Variants in ASB13 observed in about 807,000 individuals in gnomAD.
The protein encoded by ASB13 is ankyrin repeat and SOCS box containing 13.
In ASB13, 33 loss-of-function variants were observed where a neutral mutation model predicts 28.8. The observed-to-expected ratio is 1.15, with a 90% CI of 0.87 to 1.53. The LOEUF (loss-of-function observed/expected upper bound fraction) is 1.53. Ranked by LOEUF, ASB13 falls within the 40% of genes most tolerant of loss-of-function variation. ASB13 has a pLI of 0.00. For missense variants in ASB13, 414 were observed against 390.1 expected (o/e 1.06, Z -0.52); for synonymous variants, 182 against 172.9 (o/e 1.05, Z -0.41).
At position 5,649,532 on chromosome 10, in the gene ASB13, CTT is replaced by C. The variant is rs748320784; in HGVS notation, c.383-430_383-429del. On this transcript the variant is annotated intron_variant, in intron 3 of 5. Transcript: ENST00000357700. The surrounding 1 kb of genome is among the most constrained non-coding windows in gnomAD (Gnocchi z 6.4). ...ACCACGGCAGCCGCCTCTCCTGCCT[CTT>C]TTTTTTTTTTAGACAAAGTCTCATT... Among the ~76,000 whole-genome samples, 4 of 144,088 alleles carry C rather than the reference CTT, an allele frequency of 2.8e-5. No homozygotes were observed. Among genetic ancestry groups the C allele is most frequent in the Non-Finnish European group, 4.6e-5 (3 of 65,356 alleles). The allele number at this position is 144,088 out of a possible 152,430, so 94.5% of individuals were successfully genotyped here.
rs80282048 is a variant in ASB13, at chr10:5,649,469, A to T, written c.383-365T>A. Among the ~76,000 whole-genome samples, 1 of 145,484 alleles carries T rather than the reference A, an allele frequency of 6.9e-6. No homozygotes were observed. Among genetic ancestry groups the T allele is most frequent in the African/African-American group, 2.5e-5 (1 of 40,110 alleles). On this transcript the variant is annotated intron_variant, in intron 3 of 5. Transcript: ENST00000357700. This position sits in a 1 kb window ranked among gnomAD's most constrained non-coding sequence, Gnocchi z 6.4. Reference sequence around the variant, plus strand: ...AGCACTGAGCCCAGCCTCCCAGGAAACCCCCCAGACTTTCTTATGCAGGTC... The same window carrying T: ...AGCACTGAGCCCAGCCTCCCAGGAATCCCCCCAGACTTTCTTATGCAGGTC...
At position 5,659,646 on chromosome 10, in the gene ASB13, G is replaced by A. The variant is rs780597957; in HGVS notation, c.44-6596C>T. Reference sequence around the variant, plus strand: ...CCCCTGCTCCTTCAGGAAGCCTCCCGAGCATGCAGCCCACCCCCCCACGCC... The same window carrying A: ...CCCCTGCTCCTTCAGGAAGCCTCCCAAGCATGCAGCCCACCCCCCCACGCC... On this transcript the variant is annotated intron_variant, in intron 1 of 5. Coordinates refer to ENST00000357700, the MANE Select transcript of ASB13 (RefSeq NM_024701.4). This position sits in a 1 kb window ranked among gnomAD's most constrained non-coding sequence, Gnocchi z 5.8. 1.2e-4 allele frequency among the ~76,000 whole-genome samples: 18 copies of A among 148,510 alleles called. No individual in the cohort carries two copies. Among genetic ancestry groups the A allele is most frequent in the Non-Finnish European group, 2.3e-4 (15 of 65,902 alleles).
Position 5,660,583 on chromosome 10 carries a change from C to CA in ASB13, c.43+5925dup, listed in dbSNP as rs1032552509. On this transcript the variant is annotated intron_variant, in intron 1 of 5. Transcript: ENST00000357700. The surrounding 1 kb of genome is among the most constrained non-coding windows in gnomAD (Gnocchi z 6.1). ...TCCAAACCTCGGCCTCCTCTCTCCTCAAATGGGTGCTGTGAAGACTGAAGA... is the reference window on the plus strand; with the variant it reads ...TCCAAACCTCGGCCTCCTCTCTCCTCAAAATGGGTGCTGTGAAGACTGAAGA... 6.6e-6 allele frequency among the ~76,000 whole-genome samples: 1 copy of CA among 152,204 alleles called. No homozygotes were observed. The highest frequency in any genetic ancestry group is 1.5e-5 in the Non-Finnish European group (1 of 68,028).
At position 5,641,947 on chromosome 10, in the gene ASB13, C is replaced by T; in HGVS notation, c.532G>A (p.Ala178Thr). The T allele has an allele frequency of 1.2e-6, 2 of 1,604,230 alleles. No homozygotes were observed. The highest frequency in any genetic ancestry group is 1.7e-6 in the Non-Finnish European group (2 of 1,171,578). ...VLLNAGANVN[A>T]AKLHETALHH... is the part of the protein sequence containing the mutation. Reference sequence around the variant, plus strand: ...AGGGCAGTCTCATGAAGCTTTGCCGCATTCACGTTGGCCCCTGGAGGTCAA... The same window carrying T: ...AGGGCAGTCTCATGAAGCTTTGCCGTATTCACGTTGGCCCCTGGAGGTCAA... Residue 178 changes from alanine (A) to threonine (T), a missense_variant, in exon 5 of 6, where the codon GCG (alanine) becomes ACG (threonine). By Grantham distance (58) the Ala-to-Thr change is moderately conservative (BLOSUM62 0). Transcript: ENST00000357700. This position sits in a 1 kb window ranked among gnomAD's most constrained non-coding sequence, Gnocchi z 8.4.
In ASB13 at chr10:5,645,452, G is replaced by A. The variant is rs918580799; in HGVS notation, c.518-3491C>T. On this transcript the variant is annotated intron_variant, in intron 4 of 5. Transcript: ENST00000357700. The surrounding 1 kb of genome is among the most constrained non-coding windows in gnomAD (Gnocchi z 5.4). ...TAAAAATTACTTCACCATCATAACC[G>A]GACTTTCACCCTCCCCAGCCCTCCT... is the stretch of plus-strand genomic sequence containing the variant. Among the ~76,000 whole-genome samples the A allele has an allele frequency of 1.3e-5, 2 of 152,012 alleles. No individual in the cohort carries two copies. Among genetic ancestry groups the A allele is most frequent in the African/African-American group, 4.8e-5 (2 of 41,368 alleles).
intron 1 of ASB13, among the ~76,000 whole-genome samples, chr10:5,662,557 A>G (rs1038760424): frequency 4.9e-4 from 27 of 55,132 alleles, no homozygotes; most frequent in African/African-American, 1.3e-3. Context: ...AGGGGAGGGG[A>G]GGGGAGGGGA....
chr10:5,646,446 A>G (rs1269023465), intron 4 of ASB13, among the ~76,000 whole-genome samples: 1 of 152,372 alleles, frequency 6.6e-6, no homozygotes, highest in East Asian at 1.9e-4. Context: ...GGCTTAAAAC[A>G]GGAAACGTCT....
rs1564216807 is a variant in ASB13 at position 5,648,344 on chromosome 10, TGGG to T, written c.517+623_517+625del. Among the ~76,000 whole-genome samples, 365 of 49,144 alleles carry T rather than the reference TGGG, an allele frequency of 7.4e-3. 2 individuals carry two copies. Among genetic ancestry groups the T allele is most frequent in the South Asian group, 0.03 (40 of 1,326 alleles). 32.2% of individuals were successfully genotyped at this position (49,144 alleles called of 152,430 possible). On this transcript the variant is annotated intron_variant, in intron 4 of 5. Transcript: ENST00000357700. ...ACACCCCCTCGGGTAAACACCCACGTGGGCAACACCCACGGGGGTAAACACCCA... is the reference window on the plus strand; with the variant it reads ...ACACCCCCTCGGGTAAACACCCACGTCAACACCCACGGGGGTAAACACCCA...
chr10:5,652,244 G>GTAAA lies in ASB13; in HGVS notation c.231+615_231+618dup, dbSNP rs1835000536. Among the ~76,000 whole-genome samples, 1 of 152,150 alleles carries GTAAA rather than the reference G, an allele frequency of 6.6e-6. No homozygotes were observed. The highest frequency in any genetic ancestry group is 2.1e-4 in the South Asian group (1 of 4,830). On this transcript the variant is annotated intron_variant, in intron 2 of 5. Coordinates refer to ENST00000357700, the MANE Select transcript of ASB13 (RefSeq NM_024701.4). This position sits in a 1 kb window ranked among gnomAD's most constrained non-coding sequence, Gnocchi z 5.0. Reference sequence around the variant, plus strand: ...GTTCCATTCCAACCTTTTGGGAAGAGTAAACAGTACACTGTCTTCCCTTCT... The same window carrying GTAAA: ...GTTCCATTCCAACCTTTTGGGAAGAGTAAATAAACAGTACACTGTCTTCCCTTCT...
At position 5,644,884 on chromosome 10, in the gene ASB13, G is replaced by A. The variant is rs1834860699; in HGVS notation, c.518-2923C>T. Reference sequence around the variant, plus strand: ...GAAGGAAGAGAGAAAGAGGGTAGGAGAGGGAAAGAAAGTAACTTTGTGTGA... The same window carrying A: ...GAAGGAAGAGAGAAAGAGGGTAGGAAAGGGAAAGAAAGTAACTTTGTGTGA... On this transcript the variant is annotated intron_variant, in intron 4 of 5. Coordinates refer to ENST00000357700, the MANE Select transcript of ASB13 (RefSeq NM_024701.4). The surrounding 1 kb of genome is among the most constrained non-coding windows in gnomAD (Gnocchi z 5.1). Among the ~76,000 whole-genome samples the A allele has an allele frequency of 6.6e-6, 1 of 152,086 alleles. No individual in the cohort carries two copies. Among genetic ancestry groups the A allele is most frequent in the Non-Finnish European group, 1.5e-5 (1 of 68,026 alleles).
At position 5,652,024 on chromosome 10, in the gene ASB13, A is replaced by ACCC. The variant is rs61485844; in HGVS notation, c.232-662_232-661insGGG. 3.2e-5 allele frequency among the ~76,000 whole-genome samples: 1 copy of ACCC among 31,688 alleles called. No individual in the cohort carries two copies. Among genetic ancestry groups the ACCC allele is most frequent in the African/African-American group, 1.1e-4 (1 of 9,004 alleles). 20.8% of individuals were successfully genotyped at this position (31,688 alleles called of 152,430 possible). On this transcript the variant is annotated intron_variant, in intron 2 of 5. Coordinates refer to ENST00000357700, the MANE Select transcript of ASB13 (RefSeq NM_024701.4). This position sits in a 1 kb window ranked among gnomAD's most constrained non-coding sequence, Gnocchi z 5.0. ...CTCAAAAAAAAAAAAAAAAAAAAAA[A>ACCC]ACCACACACACACACACACACACAC...
Position 5,660,150 on chromosome 10 carries a change from A to C in ASB13, c.43+6359T>G, listed in dbSNP as rs1007723051. Among the ~76,000 whole-genome samples the C allele has an allele frequency of 2.0e-5, 3 of 152,198 alleles. No homozygotes were observed. The highest frequency in any genetic ancestry group is 7.2e-5 in the African/African-American group (3 of 41,452). ...GCAGGCCTGAGCTCATGAATAGCCA[A>C]GCAAAAGCCTTTGCCCTGAAAACTA... is the stretch of plus-strand genomic sequence containing the variant. On this transcript the variant is annotated intron_variant, in intron 1 of 5. Coordinates refer to ENST00000357700, the MANE Select transcript of ASB13 (RefSeq NM_024701.4). This position sits in a 1 kb window ranked among gnomAD's most constrained non-coding sequence, Gnocchi z 6.1.
In ASB13 at chr10:5,661,116, C is replaced by A. The variant is rs146739832; in HGVS notation, c.43+5393G>T. Among the ~76,000 whole-genome samples, 727 of 152,348 alleles carry A rather than the reference C, an allele frequency of 4.8e-3. 3 individuals are homozygous for A. Among genetic ancestry groups the A allele is most frequent in the South Asian group, 0.01 (49 of 4,828 alleles). ...CAGAGCCAGAGCCCCACTCGTTGGGCCCAAGTGGCAGCTCTGTGCCCAGGC... is the reference window on the plus strand; with the variant it reads ...CAGAGCCAGAGCCCCACTCGTTGGGACCAAGTGGCAGCTCTGTGCCCAGGC... On this transcript the variant is annotated intron_variant, in intron 1 of 5. Transcript: ENST00000357700. This position sits in a 1 kb window ranked among gnomAD's most constrained non-coding sequence, Gnocchi z 4.9.
intron 5 of ASB13, 80 bp from the exon 6 acceptor site, chr10:5,640,910 G>A (rs117351233): frequency 0.014 from 21,384 of 1,553,890 alleles, 489 homozygotes; most frequent in South Asian, 0.075. Context: ...AAACTCAGAG[G>A]GAATCGGAAA....
intron 4 of ASB13, 43 bp downstream of exon 4, chr10:5,648,927 C>T: frequency 1.2e-6 from 2 of 1,607,194 alleles, no homozygotes; most frequent in Non-Finnish European, 1.7e-6. Context: ...CTCGGGCAAA[C>T]ACCCACTCAG....
chr10:5,647,471 A>C (rs1455692164), intron 4 of ASB13, among the ~76,000 whole-genome samples: 3 of 152,130 alleles, frequency 2.0e-5, no homozygotes, highest in Non-Finnish European at 4.4e-5. Flanking sequence ...CTCTTTGGGA[A>C]TCTCAATCCT....
rs1211401561 is a variant in ASB13, at chr10:5,649,930, C to T, written c.383-826G>A. On this transcript the variant is annotated intron_variant, in intron 3 of 5. Coordinates refer to ENST00000357700, the MANE Select transcript of ASB13 (RefSeq NM_024701.4). This position sits in a 1 kb window ranked among gnomAD's most constrained non-coding sequence, Gnocchi z 6.4. ...CCCGCCCCTGCACATTCCGTCTAGG[C>T]TCCAACCTTTCCGTTCACTCAATTA... Among the ~76,000 whole-genome samples, 2 of 152,200 alleles carry T rather than the reference C, an allele frequency of 1.3e-5. No individual in the cohort carries two copies. Among genetic ancestry groups the T allele is most frequent in the African/African-American group, 4.8e-5 (2 of 41,452 alleles).
At position 5,642,095 on chromosome 10, in the gene ASB13, T is replaced by A. The variant is rs959512628; in HGVS notation, c.518-134A>T. ...CAGAAGACAAAATCAGGACAGACTC[T>A]ACCGTAGCTTTCAAAAATGTTTTTC... On this transcript the variant is annotated intron_variant, in intron 4 of 5. Coordinates refer to ENST00000357700, the MANE Select transcript of ASB13 (RefSeq NM_024701.4). The surrounding 1 kb of genome is among the most constrained non-coding windows in gnomAD (Gnocchi z 4.1). The A allele has an allele frequency of 3.9e-6, 3 of 775,170 alleles. No homozygotes were observed. Among genetic ancestry groups the A allele is most frequent in the Non-Finnish European group, 6.0e-6 (3 of 501,022 alleles). 48.0% of individuals were successfully genotyped at this position (775,170 alleles called of 1,614,324 possible).
chr10:5,640,801 T>A lies in ASB13; in HGVS notation c.739A>T (p.Arg247Trp). Residue 247 changes from arginine to tryptophan, a missense_variant, in exon 6 of 6, where the codon AGG becomes TGG. By Grantham distance (101) the Arg-to-Trp change is moderately radical. Coordinates refer to ENST00000357700, the MANE Select transcript of ASB13 (RefSeq NM_024701.4). ...KTPLTLSQLC[R>W]VNLRKATGVR... ...CCAGTGGCCTTCCTCAAGTTCACCC[T>A]GCAGAGCTGTGACAGAGTCAGAGGT... 6.2e-7 allele frequency: 1 copy of A among 1,614,114 alleles called. No homozygotes were observed. Among genetic ancestry groups the A allele is most frequent in the East Asian group, 2.2e-5 (1 of 44,882 alleles).
Sources: allele counts gnomAD v4.1 joint callset (sites outside exome capture counted in the v4.1 genomes callset), GRCh38; gene constraint gnomAD v4.1.1; non-coding constraint Gnocchi (gnomAD v3.1); transcripts MANE v1.5; gene names NCBI Gene and HGNC (gene_info 2026-07-23, HGNC 2026-07-21).